ITGA9: variants seen among roughly 807,000 people sequenced by gnomAD.
ITGA9 encodes integrin subunit alpha 9, also known as integrin alpha-9.
ITGA9 carries 56 observed loss-of-function variants against 127.8 expected under a neutral mutation model. The ratio of observed to expected loss-of-function variants is 0.44; its 90% CI spans 0.35 to 0.55. The LOEUF is 0.55. Among genes scored for constraint, ITGA9 ranks in the 20% least tolerant of loss-of-function variants. The pLI is 0.00. For missense variants in ITGA9, 1,196 were observed against 1,347.1 expected (o/e 0.89, Z 1.76); for synonymous variants, 508 against 514.5 (o/e 0.99, Z 0.17).
In ITGA9 at chr3:37,523,957, G is replaced by C. The variant is rs188226189; in HGVS notation, c.1327+346G>C. On this transcript the variant is annotated intron_variant, in intron 12 of 27. Transcript: ENST00000264741. ...CCTTTGTATTTAACCACATTCAAAGGCTTCTTACTCTTGAGAGGGAAAAAG... is the reference window on the plus strand; with the variant it reads ...CCTTTGTATTTAACCACATTCAAAGCCTTCTTACTCTTGAGAGGGAAAAAG... Among the ~76,000 whole-genome samples the C allele has an allele frequency of 5.3e-5, 8 of 152,206 alleles. No individual in the cohort carries two copies. In the East Asian group the frequency reaches 1.3e-3, roughly 26 times the overall value.
intron 19 of ITGA9, 49 bp from the exon 20 acceptor site, chr3:37,736,855 T>C: frequency 8.2e-7 from 1 of 1,217,090 alleles, no homozygotes; most frequent in Non-Finnish European, 1.2e-6. Context: ...GAGAACAGTT[T>C]AAGTTTGGAA....
intron 15 of ITGA9, among the ~76,000 whole-genome samples, chr3:37,602,282 A>AAAAC (rs1559546644): frequency 2.0e-5 from 3 of 152,064 alleles, no homozygotes; most frequent in East Asian, 1.9e-4. Context: ...CAAAACAAAA[A>AAAAC]AAAAATGTTT....
chr3:37,752,139 G>A (rs1044378371), intron 23 of ITGA9, among the ~76,000 whole-genome samples: 1 of 152,200 alleles, frequency 6.6e-6, no homozygotes, highest in Non-Finnish European at 1.5e-5. Context: ...TAAAGCCCTC[G>A]GCAAGGGCCT....
chr3:37,513,625 C>A, intron 8 of ITGA9, 138 bp from the exon 9 acceptor site: 1 of 902,606 alleles, frequency 1.1e-6, no homozygotes, highest in Non-Finnish European at 1.7e-6. Context: ...TGTGATGTTC[C>A]CCTTCCTGTG....
chr3:37,528,791 T>A (rs966952728), intron 13 of ITGA9, among the ~76,000 whole-genome samples: 1 of 152,206 alleles, frequency 6.6e-6, no homozygotes, highest in Non-Finnish European at 1.5e-5. Context: ...TGCAATAAAA[T>A]GCACCAATTT....
chr3:37,485,220 A>G (rs1029394364), intron 4 of ITGA9, among the ~76,000 whole-genome samples: 1 of 152,162 alleles, frequency 6.6e-6, no homozygotes, highest in African/African-American at 2.4e-5. Flanking sequence ...TCATTTTACA[A>G]TTGGAAAAAC....
intron 5 of ITGA9, among the ~76,000 whole-genome samples, chr3:37,497,924 A>C (rs1464117724): frequency 6.6e-6 from 1 of 152,212 alleles, no homozygotes; most frequent in East Asian, 1.9e-4. Flanking sequence ...GAGGCCTGGT[A>C]GGAGGCCGTG....
intron 16 of ITGA9, among the ~76,000 whole-genome samples, chr3:37,649,701 C>G (rs1252969519): frequency 1.3e-5 from 2 of 152,138 alleles, no homozygotes; most frequent in Admixed American, 6.5e-5. Context: ...AACAACTGGA[C>G]CTGTGTAACA....
At chr3:37,665,854 C>A (rs1025768034) in intron 17 of ITGA9, among the ~76,000 whole-genome samples, 9 of 152,104 alleles carry the variant, frequency 5.9e-5, no homozygotes, top group Non-Finnish European at 1.2e-4. Context: ...GTGGGAGTTA[C>A]CTGGCGGAGG....
rs1338988080 is a variant in ITGA9, at chr3:37,705,373, G to A, written c.2067+21358G>A. On this transcript the variant is annotated intron_variant, in intron 18 of 27. Transcript: ENST00000264741. ...TGAATCTTGTCATAGGAGGATGGAA[G>A]CTCAAGTTGTTAAAGGCCTAAAAGG... Among the ~76,000 whole-genome samples the A allele has an allele frequency of 4.6e-5, 7 of 152,216 alleles. No individual in the cohort carries two copies. In the East Asian group the frequency reaches 1.3e-3, roughly 29 times the overall value.
At chr3:37,534,614 C>T (rs1699190363) in intron 14 of ITGA9, among the ~76,000 whole-genome samples, 1 of 152,242 alleles carries the variant, frequency 6.6e-6, no homozygotes, top group African/African-American at 2.4e-5. Flanking sequence ...TTGGCAATTT[C>T]TCTTGATCTT....
chr3:37,734,309 A>G (rs1443075077), intron 19 of ITGA9, among the ~76,000 whole-genome samples: 2 of 152,234 alleles, frequency 1.3e-5, no homozygotes, highest in African/African-American at 4.8e-5. Flanking sequence ...CATGGACACT[A>G]TTGCCTATAG....
At chr3:37,704,310 A>G (rs1218677474) in intron 18 of ITGA9, among the ~76,000 whole-genome samples, 1 of 151,846 alleles carries the variant, frequency 6.6e-6, no homozygotes, top group Non-Finnish European at 1.5e-5. Context: ...CCCTGGAATG[A>G]GCTTTCCTGA....
At chr3:37,607,286 G>C (rs183607693) in intron 15 of ITGA9, among the ~76,000 whole-genome samples, 1 of 152,152 alleles carries the variant, frequency 6.6e-6, no homozygotes, top group African/African-American at 2.4e-5. Context: ...CCTATCTCAG[G>C]AGGATGCTTG....
intron 17 of ITGA9, among the ~76,000 whole-genome samples, chr3:37,667,346 T>C (rs979225059): frequency 6.6e-6 from 1 of 152,160 alleles, no homozygotes; most frequent in Non-Finnish European, 1.5e-5. Flanking sequence ...CATAACAATA[T>C]ATTATTGCAC....
intron 15 of ITGA9, among the ~76,000 whole-genome samples, chr3:37,568,050 G>A (rs1383080743): frequency 6.6e-6 from 1 of 152,226 alleles, no homozygotes; most frequent in Non-Finnish European, 1.5e-5. Context: ...CCTAGCAGAG[G>A]TTCTTTATGA....
intron 15 of ITGA9, among the ~76,000 whole-genome samples, chr3:37,560,701 G>A (rs1264725326): frequency 3.3e-5 from 5 of 152,130 alleles, no homozygotes; most frequent in Non-Finnish European, 7.4e-5. Context: ...TCTGATGACC[G>A]GTGATGATGA....
At chr3:37,515,112 A>G (rs997791307) in intron 9 of ITGA9, among the ~76,000 whole-genome samples, 2 of 152,160 alleles carry the variant, frequency 1.3e-5, no homozygotes, top group Non-Finnish European at 2.9e-5. Flanking sequence ...GGTGCCGCCT[A>G]CCTTTTCTCT....
chr3:37,818,612 G>T, intron 27 of ITGA9: 1 of 473,400 alleles, frequency 2.1e-6, no homozygotes, highest in African/African-American at 2.0e-5. Context: ...CTCAGTAACT[G>T]GTATTCCCCA....
Sources: allele counts gnomAD v4.1 joint callset (sites outside exome capture counted in the v4.1 genomes callset), GRCh38; gene constraint gnomAD v4.1.1; transcripts MANE v1.5; gene names NCBI Gene and HGNC (gene_info 2026-07-23, HGNC 2026-07-21).